SYNPO2: variants seen among roughly 807,000 people sequenced by gnomAD.
SYNPO2 encodes the protein synaptopodin 2.
A neutral mutation model predicts 85.0 loss-of-function variants in SYNPO2; 56 were observed. The ratio of observed to expected loss-of-function variants is 0.66; its 90% CI spans 0.53 to 0.82. The LOEUF (loss-of-function observed/expected upper bound fraction) is 0.82, where lower values mean the gene tolerates loss of function less well. Among genes scored for constraint, SYNPO2 ranks in the 40% least tolerant of loss-of-function variants. The pLI, the probability that SYNPO2 is intolerant of heterozygous loss-of-function variation, is 0.00. For missense variants in SYNPO2, 1,575 were observed against 1,534.2 expected (o/e 1.03, Z -0.44); for synonymous variants, 602 against 591.1 (o/e 1.02, Z -0.27).
chr4:119,014,622 C>T (rs1336615048), intron 1 of SYNPO2, among the ~76,000 whole-genome samples: 1 of 152,088 alleles, frequency 6.6e-6, no homozygotes, highest in Non-Finnish European at 1.5e-5. Context: ...AAACTCAAAA[C>T]AGAGTATCTT....
intron 1 of SYNPO2, among the ~76,000 whole-genome samples, chr4:118,994,255 A>G (rs1185294764): frequency 1.3e-5 from 2 of 152,252 alleles, no homozygotes; most frequent in East Asian, 3.8e-4. Context: ...CGACAGCTGG[A>G]GCATCACAAA....
chr4:118,924,198 A>G (rs1397605256), intron 1 of SYNPO2, among the ~76,000 whole-genome samples: 2 of 152,182 alleles, frequency 1.3e-5, no homozygotes, highest in African/African-American at 4.8e-5. Flanking sequence ...ATCAAAAAGC[A>G]ATCTCTTATG....
chr4:119,045,316 G>A (rs1471353615), intron 4 of SYNPO2, among the ~76,000 whole-genome samples: 1 of 152,108 alleles, frequency 6.6e-6, no homozygotes, highest in Non-Finnish European at 1.5e-5. Context: ...CCCACATGCT[G>A]GATGCAGTGG....
chr4:118,999,390 G>T (rs1431712827), intron 1 of SYNPO2, among the ~76,000 whole-genome samples: 2 of 152,018 alleles, frequency 1.3e-5, no homozygotes, highest in Non-Finnish European at 2.9e-5. Flanking sequence ...GGGTTCAAAC[G>T]ATCCTCCTGC....
chr4:118,987,097 C>T (rs1390416536), intron 1 of SYNPO2, among the ~76,000 whole-genome samples: 1 of 152,048 alleles, frequency 6.6e-6, no homozygotes, highest in African/African-American at 2.4e-5. Flanking sequence ...TAAATAAAAC[C>T]TCTAATGAGT....
chr4:118,942,260 T>C (rs1734340264), intron 1 of SYNPO2, among the ~76,000 whole-genome samples: 1 of 152,214 alleles, frequency 6.6e-6, no homozygotes, highest in African/African-American at 2.4e-5. Context: ...TGTGGGAAGG[T>C]ACGTATCTCA....
At chr4:118,879,260 G>C (rs569266833) in intron 1 of SYNPO2, among the ~76,000 whole-genome samples, 1 of 152,316 alleles carries the variant, frequency 6.6e-6, no homozygotes, top group Non-Finnish European at 1.5e-5. Flanking sequence ...TGAACCCACT[G>C]GAATGAACCA....
At chr4:118,987,057 C>T (rs1736246456) in intron 1 of SYNPO2, among the ~76,000 whole-genome samples, 1 of 152,116 alleles carries the variant, frequency 6.6e-6, no homozygotes, top group South Asian at 2.1e-4. Flanking sequence ...ATCCCATTAT[C>T]CTTATCATTG....
intron 1 of SYNPO2, among the ~76,000 whole-genome samples, chr4:118,960,002 T>TAGGAAA (rs1735021676): frequency 6.6e-6 from 1 of 152,046 alleles, no homozygotes; most frequent in East Asian, 1.9e-4. Context: ...AAGAGACACA[T>TAGGAAA]AGGAAAGATA....
chr4:118,854,395 G>A (rs1226737374), intron 1 of SYNPO2, among the ~76,000 whole-genome samples: 1 of 151,672 alleles, frequency 6.6e-6, no homozygotes, highest in Non-Finnish European at 1.5e-5. Flanking sequence ...TTCACAAATT[G>A]TTAAATGATA....
At chr4:119,032,929 T>TTAC in intron 4 of SYNPO2, 2 of 905,322 alleles carry the variant, frequency 2.2e-6, no homozygotes, top group Non-Finnish European at 2.6e-6. Context: ...AAAGGTTGAT[T>TTAC]CCCACCCTCC....
intron 1 of SYNPO2, among the ~76,000 whole-genome samples, chr4:118,853,921 C>T (rs186936245): frequency 2.0e-4 from 31 of 152,244 alleles, no homozygotes; most frequent in African/African-American, 6.7e-4. Context: ...AGTGGTCTGA[C>T]GCTATTGCAA....
rs1191907642 is a variant in SYNPO2, at chr4:119,033,746, C to T, written c.3252+1719C>T. 5.1e-6 allele frequency: 5 copies of T among 984,782 alleles called. No individual in the cohort carries two copies. The African/African-American group carries it at 8.7e-5, about 17-fold the overall frequency. The allele number at this position is 984,782 out of a possible 1,614,324, so 61.0% of individuals were successfully genotyped here. ...CTGTCTCCTTTATCTGTTCAATGTC[C>T]ATATTTTAAAAAAATCTTCCTTGTA... is the stretch of plus-strand genomic sequence containing the variant. On this transcript the variant is annotated intron_variant, in intron 4 of 4. Transcript: ENST00000307142.
rs1019340386 is a variant in SYNPO2, at chr4:118,993,237, C to T, written c.106-30193C>T. On this transcript the variant is annotated intron_variant, in intron 1 of 4. Transcript: ENST00000307142. Reference sequence around the variant, plus strand: ...GTGTATTTGTGTGTGTTTGTGTGCACGTGTGTGTGTTTGTAGTTATTCTCT... The same window carrying T: ...GTGTATTTGTGTGTGTTTGTGTGCATGTGTGTGTGTTTGTAGTTATTCTCT... Among the ~76,000 whole-genome samples, 6 of 151,720 alleles carry T rather than the reference C, an allele frequency of 4.0e-5. No individual in the cohort carries two copies. In the South Asian group the frequency reaches 6.3e-4, roughly 16 times the overall value.
upstream of SYNPO2, among the ~76,000 whole-genome samples, chr4:118,886,797 T>A (rs565803108): frequency 2.0e-4 from 30 of 151,444 alleles, no homozygotes; most frequent in Admixed American, 1.9e-3. Flanking sequence ...AAACTTGGGA[T>A]GAGTATCTGG....
upstream of SYNPO2, among the ~76,000 whole-genome samples, chr4:118,884,428 A>G (rs1190761015): frequency 6.6e-6 from 1 of 152,226 alleles, no homozygotes; most frequent in Non-Finnish European, 1.5e-5. Flanking sequence ...ATTGGAGCAT[A>G]CATGAATTAA....
At chr4:118,956,290 T>G (rs1734872509) in intron 1 of SYNPO2, among the ~76,000 whole-genome samples, 3 of 152,090 alleles carry the variant, frequency 2.0e-5, no homozygotes, top group Admixed American at 2.0e-4. Flanking sequence ...AGAAAGTCAC[T>G]AAAACTAGAG....
intron 1 of SYNPO2, among the ~76,000 whole-genome samples, chr4:119,020,290 C>G (rs1737669870): frequency 6.6e-6 from 1 of 152,110 alleles, no homozygotes; most frequent in African/African-American, 2.4e-5. Flanking sequence ...GAAACGCAAT[C>G]ACAGCAGTTG....
At chr4:118,916,200 T>C (rs1733315852) in intron 1 of SYNPO2, among the ~76,000 whole-genome samples, 1 of 151,022 alleles carries the variant, frequency 6.6e-6, no homozygotes, top group South Asian at 2.1e-4. Context: ...TGAGACAGAA[T>C]CTTGCTCTGT....
Sources: allele counts gnomAD v4.1 joint callset (sites outside exome capture counted in the v4.1 genomes callset), GRCh38; gene constraint gnomAD v4.1.1; transcripts MANE v1.5; gene names NCBI Gene and HGNC (gene_info 2026-07-23, HGNC 2026-07-21).